The following COL5A2 variants were observed in gnomAD, a reference collection of about 807,000 sequenced individuals.
COL5A2 encodes collagen alpha-2(V) chain.
In COL5A2, 23 loss-of-function variants were observed where a neutral mutation model predicts 208.2. That is an observed-to-expected ratio of 0.11 (90% CI 0.08 to 0.16). COL5A2 has a LOEUF of 0.16. Ranked by LOEUF, COL5A2 falls within the 10% of genes least tolerant of loss-of-function variation. The pLI, the probability that COL5A2 is intolerant of heterozygous loss-of-function variation, is 1.00. For synonymous variants in COL5A2, 625 were observed against 628.5 expected (o/e 0.99, Z 0.08); for missense variants, 1,590 against 1,956.4 (o/e 0.81, Z 3.53).
chr2:189,399,918 C>T, the COL5A2 span, among the ~76,000 whole-genome samples: 1 of 152,066 alleles, frequency 6.6e-6, no homozygotes, highest in Non-Finnish European at 1.5e-5. Context: ...CCAGGCTATT[C>T]CCAAACTCCT....
At chr2:189,092,710 T>C (rs1686814564) in intron 6 of COL5A2, among the ~76,000 whole-genome samples, 1 of 152,326 alleles carries the variant, frequency 6.6e-6, no homozygotes, top group Non-Finnish European at 1.5e-5. Flanking sequence ...AACAGTATTC[T>C]AAAGTGAACT....
intron 14 of COL5A2, among the ~76,000 whole-genome samples, chr2:189,079,659 C>T (rs183255234): frequency 3.5e-4 from 54 of 152,154 alleles, no homozygotes; most frequent in Middle Eastern, 3.4e-3. Flanking sequence ...ACTATCTAAA[C>T]CTTTCAGATA....
intron 1 of COL5A2, among the ~76,000 whole-genome samples, chr2:189,220,085 T>A (rs752804570): frequency 1.3e-5 from 2 of 152,136 alleles, no homozygotes; most frequent in African/African-American, 2.4e-5. Context: ...TGGCTGTCAC[T>A]AGCTGCAGCT....
At chr2:189,221,341 G>A (rs1358059983) in intron 1 of COL5A2, among the ~76,000 whole-genome samples, 2 of 152,126 alleles carry the variant, frequency 1.3e-5, no homozygotes, top group African/African-American at 4.8e-5. Flanking sequence ...GGAAGGTATA[G>A]GAAAGTTATT....
chr2:189,158,397 T>A (rs1688296342), intron 1 of COL5A2, among the ~76,000 whole-genome samples: 1 of 152,026 alleles, frequency 6.6e-6, no homozygotes, highest in Non-Finnish European at 1.5e-5. Flanking sequence ...ACCATAGCCA[T>A]CATTTTATTA....
intron 40 of COL5A2, 36 bp from the exon 41 acceptor site, chr2:189,052,261 T>C (rs2105561724): frequency 6.3e-7 from 1 of 1,588,902 alleles, no homozygotes; most frequent in Non-Finnish European, 8.6e-7. Flanking sequence ...ATTTTTAAGG[T>C]AATATAAATT....
chr2:189,293,675 A>AT, the COL5A2 span, among the ~76,000 whole-genome samples: 1 of 152,310 alleles, frequency 6.6e-6, no homozygotes, highest in Middle Eastern at 3.4e-3. Flanking sequence ...GGACAGGCAA[A>AT]AAGACAGTTG....
At chr2:189,388,027 T>C in the COL5A2 span, among the ~76,000 whole-genome samples, 1 of 152,048 alleles carries the variant, frequency 6.6e-6, no homozygotes, top group Non-Finnish European at 1.5e-5. Context: ...TCAAGCAATC[T>C]GCCCACCTCA....
At chr2:189,436,681 C>G in the COL5A2 span, among the ~76,000 whole-genome samples, 1 of 151,986 alleles carries the variant, frequency 6.6e-6, no homozygotes, top group African/African-American at 2.4e-5. Flanking sequence ...CAAAAAGGAA[C>G]AAGATCATGT....
chr2:189,181,655 T>C (rs528765254), upstream of COL5A2, among the ~76,000 whole-genome samples: 109 of 152,288 alleles, frequency 7.2e-4, no homozygotes, highest in African/African-American at 2.5e-3. Flanking sequence ...GGCAGACATT[T>C]ATGGAGAATC....
At chr2:189,247,580 T>A in the COL5A2 span, among the ~76,000 whole-genome samples, 3 of 148,710 alleles carry the variant, frequency 2.0e-5, no homozygotes, top group African/African-American at 7.7e-5. Context: ...AAAAAAAAAA[T>A]TTCTTTTTTT....
At chr2:189,263,686 A>G in the COL5A2 span, among the ~76,000 whole-genome samples, 1 of 152,154 alleles carries the variant, frequency 6.6e-6, no homozygotes, top group Non-Finnish European at 1.5e-5. Context: ...AATCTTTTAT[A>G]TCATATTTGT....
the COL5A2 span, among the ~76,000 whole-genome samples, chr2:189,279,151 A>C: frequency 1.4e-4 from 22 of 152,096 alleles, no homozygotes; most frequent in African/African-American, 5.1e-4. Context: ...AAAAGAACAG[A>C]AGAAAGATGA....
chr2:189,070,435 A>C (rs922604584), intron 18 of COL5A2, among the ~76,000 whole-genome samples: 3 of 152,206 alleles, frequency 2.0e-5, no homozygotes, highest in Non-Finnish European at 4.4e-5. Context: ...CTGTCCAAAA[A>C]CAAAGATCCA....
the COL5A2 span, among the ~76,000 whole-genome samples, chr2:189,422,859 C>T: frequency 6.6e-6 from 1 of 151,844 alleles, no homozygotes; most frequent in East Asian, 1.9e-4. Flanking sequence ...CCCGTCTCTA[C>T]TAAAAATACA....
At chr2:189,405,528 C>T in the COL5A2 span, among the ~76,000 whole-genome samples, 1 of 152,092 alleles carries the variant, frequency 6.6e-6, no homozygotes, top group Non-Finnish European at 1.5e-5. Flanking sequence ...CCGTGCCTGG[C>T]CTAATTAAAT....
chr2:189,415,359 T>C, the COL5A2 span, among the ~76,000 whole-genome samples: 2 of 152,212 alleles, frequency 1.3e-5, no homozygotes, highest in South Asian at 2.1e-4. Context: ...GGTCAGTAAA[T>C]ATGGCCTGCA....
Position 189,086,712 on chromosome 2 carries a change from A to T in COL5A2, c.690+14T>A. ...TTTTTCTTACAGCATGTAATTAATTATAAAGAGACTTACTTGCTGTCCTTG... is the reference window on the plus strand; with the variant it reads ...TTTTTCTTACAGCATGTAATTAATTTTAAAGAGACTTACTTGCTGTCCTTG... On this transcript the variant is annotated intron_variant, in intron 9 of 53. Transcript: ENST00000374866. 1 of 1,565,558 alleles carries T rather than the reference A, an allele frequency of 6.4e-7. No individual in the cohort carries two copies. Among genetic ancestry groups the T allele is most frequent in the East Asian group, 2.3e-5 (1 of 43,934 alleles).
chr2:189,055,937 T>C (rs1336111368), intron 35 of COL5A2, among the ~76,000 whole-genome samples: 1 of 152,220 alleles, frequency 6.6e-6, no homozygotes, highest in African/African-American at 2.4e-5. Context: ...ATTAAAAATA[T>C]GCCAGATTTA....
Sources: allele counts gnomAD v4.1 joint callset (sites outside exome capture counted in the v4.1 genomes callset), GRCh38; gene constraint gnomAD v4.1.1; transcripts MANE v1.5; gene names NCBI Gene and HGNC (gene_info 2026-07-23, HGNC 2026-07-21).